The following SP7 variants were observed in gnomAD, a reference collection of about 807,000 sequenced individuals.
SP7 encodes the protein transcription factor Sp7.
A neutral mutation model predicts 27.9 loss-of-function variants in SP7; 13 were observed. The ratio of observed to expected loss-of-function variants is 0.47; its 90% CI spans 0.30 to 0.74. SP7 has a LOEUF of 0.74. Ranked by LOEUF, SP7 falls within the 30% of genes least tolerant of loss-of-function variation. The pLI, the probability that SP7 is intolerant of heterozygous loss-of-function variation, is 0.06. For synonymous variants in SP7, 219 were observed against 226.7 expected (o/e 0.97, Z 0.31); for missense variants, 525 against 558.0 (o/e 0.94, Z 0.60).
chr12:53,335,242 A>C (rs1944753269), intron 2 of SP7, among the ~76,000 whole-genome samples: 1 of 151,110 alleles, frequency 6.6e-6, no homozygotes, highest in Non-Finnish European at 1.5e-5. Context: ...TCTGCCTTCT[A>C]TCTCTTCTGC....
Position 53,330,048 on chromosome 12 carries a change from A to T in SP7, c.22-628T>A, listed in dbSNP as rs543447867. Among the ~76,000 whole-genome samples the T allele has an allele frequency of 1.9e-4, 29 of 149,786 alleles. No individual in the cohort carries two copies. In the East Asian group the frequency reaches 4.3e-3, roughly 22 times the overall value. On this transcript the variant is annotated intron_variant, in intron 2 of 2. Transcript: ENST00000536324. ...TGCGCCCGGCCTTTTCTTTTTATTT[A>T]AAAAAAAAATTATTTTTTGAGACAA...
At chr12:53,334,321 T>A (rs986570111) in intron 2 of SP7, among the ~76,000 whole-genome samples, 8 of 143,646 alleles carry the variant, frequency 5.6e-5, no homozygotes, top group Admixed American at 1.4e-4. Context: ...AGCACTCAGA[T>A]GGCCCAACTT....
At position 53,328,791 on chromosome 12, in the gene SP7, T is replaced by C; in HGVS notation, c.651A>G (p.Gln217=). The change falls in exon 3 of 3, where the codon CAA becomes CAG. Residue 217 remains glutamine (Q), a synonymous_variant. Transcript: ENST00000536324. This position sits in a 1 kb window ranked among gnomAD's most constrained non-coding sequence, Gnocchi z 5.1. ...GGGGCAAGACATGCTGGGGCCCTGGTTGCAAGAGGTGGGGAGCTGGGTAGG... is the reference window on the plus strand; with the variant it reads ...GGGGCAAGACATGCTGGGGCCCTGGCTGCAAGAGGTGGGGAGCTGGGTAGG... ...PAPYPAPHLL[Q]PGPQHVLPQD... is the part of the protein sequence containing the mutation. 6.3e-7 allele frequency: 1 copy of C among 1,597,602 alleles called. No individual in the cohort carries two copies. The highest frequency in any genetic ancestry group is 2.2e-5 in the East Asian group (1 of 44,602).
chr12:53,343,208 G>C (rs986900049), intron 1 of SP7, among the ~76,000 whole-genome samples: 11 of 151,904 alleles, frequency 7.2e-5, no homozygotes, highest in Admixed American at 3.9e-4. Flanking sequence ...AAAAGGAAGA[G>C]TGTTGTAGGA....
intron 2 of SP7, among the ~76,000 whole-genome samples, chr12:53,330,955 G>C (rs1944696912): frequency 6.6e-6 from 1 of 152,226 alleles, no homozygotes; most frequent in Non-Finnish European, 1.5e-5. Flanking sequence ...CTTTCAAGCA[G>C]GCAGTGAGCA....
rs886049659 is a variant in SP7, at chr12:53,327,608, C to T, written c.*538G>A. On this transcript the variant is annotated 3_prime_UTR_variant, in exon 3 of 3. Transcript: ENST00000536324. The stretch of plus-strand genomic sequence containing the variant: ...CCACTGGTCTGCCCCCCTCTTGGCA[C>T]CCTCTGGCCAGGTCACTAACCCCAA... The T allele has an allele frequency of 6.5e-6, 1 of 154,444 alleles. No individual in the cohort carries two copies. The highest frequency in any genetic ancestry group is 2.4e-5 in the African/African-American group (1 of 41,486). 9.6% of individuals were successfully genotyped at this position (154,444 alleles called of 1,614,324 possible). A position where few individuals can be genotyped will look rare whatever the true frequency, so the allele number is the denominator to read the frequency against.
intron 2 of SP7, 99 bp downstream of exon 2, chr12:53,335,527 C>T: frequency 1.4e-6 from 1 of 738,080 alleles, no homozygotes; most frequent in Non-Finnish European, 2.5e-6. Context: ...TTGACAAGCA[C>T]CACAGCTACT....
chr12:53,335,696 GA>G lies in SP7; in HGVS notation c.-47-4del. On this transcript the variant is annotated splice_polypyrimidine_tract_variant and splice_region_variant and intron_variant, in intron 1 of 2. Transcript: ENST00000536324. ...AGGAGCCAGGCAGATGGAGAGAGCT[GA>G]GCCGGGGGGTGGGGGGGGTAGAGAG... 1.5e-6 allele frequency: 2 copies of G among 1,367,942 alleles called. No individual in the cohort carries two copies. The highest frequency in any genetic ancestry group is 1.4e-5 in the South Asian group (1 of 73,868). The allele number at this position is 1,367,942 out of a possible 1,614,324, so 84.7% of individuals were successfully genotyped here.
At chr12:53,338,034 C>T (rs1444167491), upstream of SP7, among the ~76,000 whole-genome samples, 1 of 151,516 alleles carries the variant, frequency 6.6e-6, no homozygotes, top group Non-Finnish European at 1.5e-5. Context: ...AAGAAACAGG[C>T]CCAGAGGAAC....
chr12:53,339,737 AAAAG>A (rs1420903698), upstream of SP7, among the ~76,000 whole-genome samples: 373 of 147,244 alleles, frequency 2.5e-3, 2 homozygotes, highest in African/African-American at 8.5e-3. Context: ...AAAAAAAAAA[AAAAG>A]AAAGAAAAAA....
chr12:53,342,519 G>C (rs1944833321), intron 1 of SP7, among the ~76,000 whole-genome samples: 1 of 152,084 alleles, frequency 6.6e-6, no homozygotes, highest in Non-Finnish European at 1.5e-5. Context: ...TATCTCGATA[G>C]AATAAGTACT....
rs751935040 is a variant in SP7, at chr12:53,328,642, C to G, written c.800G>C (p.Arg267Pro). Residue 267 changes from arginine (R) to proline (P), a missense_variant, in exon 3 of 3, where the codon CGC becomes CCC. By Grantham distance (103) the Arg-to-Pro change is moderately radical (BLOSUM62 -2). Coordinates refer to ENST00000536324, the MANE Select transcript of SP7 (RefSeq NM_001173467.3). This position sits in a 1 kb window ranked among gnomAD's most constrained non-coding sequence, Gnocchi z 5.1. ...SGGYGGSGAG[R>P]SSCDCPNCQE... ...GCAATTAGGGCAGTCGCAGGAGGAG[C>G]GCCCTGCCCCACTGCCCCCATATCC... 4.2e-5 allele frequency: 67 copies of G among 1,609,600 alleles called. No homozygotes were observed. The highest frequency in any genetic ancestry group is 5.7e-5 in the Non-Finnish European group (67 of 1,176,768).
chr12:53,342,325 C>T (rs1007898899), intron 1 of SP7, among the ~76,000 whole-genome samples: 1 of 152,120 alleles, frequency 6.6e-6, no homozygotes, highest in African/African-American at 2.4e-5. Flanking sequence ...CATTCTTCCT[C>T]GGAGCCCAGA....
At chr12:53,338,225 G>A (rs1049024568), upstream of SP7, among the ~76,000 whole-genome samples, 7 of 152,144 alleles carry the variant, frequency 4.6e-5, no homozygotes, top group East Asian at 1.9e-4. Context: ...CACCCCACCC[G>A]TCTGCCTGAG....
In SP7 at chr12:53,329,038, T is replaced by C. The variant is rs1035808789; in HGVS notation, c.404A>G (p.Tyr135Cys). Residue 135 changes from tyrosine to cysteine, a missense_variant, in exon 3 of 3, where the codon TAT becomes TGT. Physicochemically the swap from Tyr to Cys is radical, Grantham distance 194. Coordinates refer to ENST00000536324, the MANE Select transcript of SP7 (RefSeq NM_001173467.3). ...VYTSLDMTHP[Y>C]GSWYKAGIHA... ...GATGCCTGCCTTGTACCAGGAGCCA[T>C]AGGGGTGTGTCATGTCCAGAGAGGT... is the stretch of plus-strand genomic sequence containing the variant. 16 of 1,613,528 alleles carry C rather than the reference T, an allele frequency of 9.9e-6. No homozygotes were observed. Among genetic ancestry groups the C allele is most frequent in the Admixed American group, 3.3e-5 (2 of 59,970 alleles).
At chr12:53,338,905 C>T (rs1236242141), upstream of SP7, among the ~76,000 whole-genome samples, 1 of 152,198 alleles carries the variant, frequency 6.6e-6, no homozygotes, top group East Asian at 1.9e-4. Context: ...TCCTGCAGCC[C>T]AGCTGAGGCT....
At chr12:53,338,913 G>A (rs895271942), upstream of SP7, among the ~76,000 whole-genome samples, 17 of 152,160 alleles carry the variant, frequency 1.1e-4, no homozygotes, top group Non-Finnish European at 2.4e-4. Flanking sequence ...CCCAGCTGAG[G>A]CTCTGGTGTT....
At chr12:53,337,323 A>G (rs1592536716), upstream of SP7, among the ~76,000 whole-genome samples, 1 of 152,196 alleles carries the variant, frequency 6.6e-6, no homozygotes. Flanking sequence ...GGACTTCCCA[A>G]CAAAATAGGA....
At position 53,329,249 on chromosome 12, in the gene SP7, G is replaced by A; in HGVS notation, c.193C>T (p.Pro65Ser). Residue 65 changes from proline (P) to serine (S), a missense_variant, in exon 3 of 3, where the codon CCA becomes TCA. Physicochemically the swap from Pro to Ser is moderately conservative, Grantham distance 74. Transcript: ENST00000536324. Reference protein sequence around the residue: ...SASKTMGDAYPAPFTSTNGLL... With the variant: ...SASKTMGDAYSAPFTSTNGLL... ...CCATTAGTGCTTGTAAAGGGGGCTGGATAAGCATCCCCCATGGTTTTGGAG... is the reference window on the plus strand; with the variant it reads ...CCATTAGTGCTTGTAAAGGGGGCTGAATAAGCATCCCCCATGGTTTTGGAG... The A allele has an allele frequency of 6.2e-7, 1 of 1,613,814 alleles. No homozygotes were observed. Among genetic ancestry groups the A allele is most frequent in the Non-Finnish European group, 8.5e-7 (1 of 1,179,868 alleles).
Sources: allele counts gnomAD v4.1 joint callset (sites outside exome capture counted in the v4.1 genomes callset), GRCh38; gene constraint gnomAD v4.1.1; non-coding constraint Gnocchi (gnomAD v3.1); transcripts MANE v1.5; gene names NCBI Gene and HGNC (gene_info 2026-07-23, HGNC 2026-07-21).